Variants in ERC2 observed in about 807,000 individuals in gnomAD.
ERC2 encodes the protein ELKS/RAB6-interacting/CAST family member 2, also known as ERC protein 2.
Under a neutral mutation model 114.8 loss-of-function variants are expected in ERC2, and 42 were observed. The ratio of observed to expected loss-of-function variants is 0.37; its 90% CI spans 0.29 to 0.47. The LOEUF is 0.47. Among genes scored for constraint, ERC2 ranks in the 20% least tolerant of loss-of-function variants. ERC2 has a pLI of 0.99. For missense variants in ERC2, 939 were observed against 1,150.7 expected, an observed-to-expected ratio of 0.82 and a Z score of 2.66; for synonymous variants, 454 against 425.5, an observed-to-expected ratio of 1.07 and a Z score of -0.82.
chr3:56,294,009 C>T (rs927841317), intron 3 of ERC2, among the ~76,000 whole-genome samples: 1 of 152,064 alleles, frequency 6.6e-6, no homozygotes, highest in African/African-American at 2.4e-5. Context: ...GCCTTGCTGC[C>T]CCTTGGCATC....
intron 5 of ERC2, among the ~76,000 whole-genome samples, chr3:56,141,350 G>C (rs546027662): frequency 6.6e-6 from 1 of 152,146 alleles, no homozygotes; most frequent in African/African-American, 2.4e-5. Context: ...ACCTGTTATA[G>C]CCCTAGCCTA....
chr3:55,850,884 A>ACACACACACACT (rs2061541333), intron 14 of ERC2, among the ~76,000 whole-genome samples: 1 of 151,162 alleles, frequency 6.6e-6, no homozygotes, highest in Non-Finnish European at 1.5e-5. Context: ...ACACACACAC[A>ACACACACACACT]CACACACGAG....
intron 14 of ERC2, among the ~76,000 whole-genome samples, chr3:55,832,061 CCGCCA>C: frequency 6.6e-6 from 1 of 152,238 alleles, no homozygotes; most frequent in African/African-American, 2.4e-5. Flanking sequence ...GGAGGGGCGC[CCGCCA>C]TTGCCCAGGC....
chr3:56,237,441 T>C (rs1023943591), intron 3 of ERC2, among the ~76,000 whole-genome samples: 6 of 152,208 alleles, frequency 3.9e-5, no homozygotes, highest in Non-Finnish European at 8.8e-5. Flanking sequence ...GAGAAAAGCA[T>C]ATGTGAAATT....
At chr3:56,348,741 G>A (rs1274374794) in intron 2 of ERC2, among the ~76,000 whole-genome samples, 1 of 151,564 alleles carries the variant, frequency 6.6e-6, no homozygotes. Context: ...CCATTTTCTT[G>A]ACAAAGATTT....
At chr3:55,772,499 G>C (rs1001312371) in intron 14 of ERC2, among the ~76,000 whole-genome samples, 1 of 152,154 alleles carries the variant, frequency 6.6e-6, no homozygotes, top group Non-Finnish European at 1.5e-5. Flanking sequence ...GTATTTTTTA[G>C]TAGAGACGGG....
chr3:55,696,946 T>C (rs1482236611), intron 16 of ERC2, among the ~76,000 whole-genome samples: 1 of 152,164 alleles, frequency 6.6e-6, no homozygotes, highest in Non-Finnish European at 1.5e-5. Context: ...CACAAAAATA[T>C]CCTTGTGGTC....
chr3:55,875,055 G>T (rs1356145057), intron 14 of ERC2, among the ~76,000 whole-genome samples: 1 of 152,168 alleles, frequency 6.6e-6, no homozygotes, highest in East Asian at 1.9e-4. Context: ...CCCCAGTGAT[G>T]CTGCTCACAG....
At chr3:55,776,140 T>TTTG (rs553669928) in intron 14 of ERC2, among the ~76,000 whole-genome samples, 8,123 of 151,740 alleles carry the variant, frequency 0.054, 290 homozygotes, top group African/African-American at 0.094. Context: ...TAGAATGTTA[T>TTTG]TTGTTGTTGT....
chr3:56,207,773 C>T (rs539085959), intron 3 of ERC2, among the ~76,000 whole-genome samples: 1 of 152,286 alleles, frequency 6.6e-6, no homozygotes, highest in African/African-American at 2.4e-5. Flanking sequence ...TCTACCATAT[C>T]TTCAAGGTCT....
chr3:55,726,090 CT>C (rs1440878538), intron 15 of ERC2, among the ~76,000 whole-genome samples: 2 of 152,210 alleles, frequency 1.3e-5, no homozygotes, highest in African/African-American at 4.8e-5. Flanking sequence ...TGTAAAGACA[CT>C]TTGCACTGAA....
intron 14 of ERC2, among the ~76,000 whole-genome samples, chr3:55,756,342 G>A (rs998143112): frequency 6.6e-6 from 1 of 152,096 alleles, no homozygotes; most frequent in African/African-American, 2.4e-5. Context: ...ATGCTAACAT[G>A]ATCTTAGGTG....
chr3:56,021,664 T>C (rs771693342), intron 7 of ERC2, among the ~76,000 whole-genome samples: 2 of 152,140 alleles, frequency 1.3e-5, no homozygotes, highest in Non-Finnish European at 2.9e-5. Flanking sequence ...TAACATTACA[T>C]TGCCCAGGCA....
intron 10 of ERC2, among the ~76,000 whole-genome samples, chr3:56,001,681 T>G (rs2072074429): frequency 6.6e-6 from 1 of 152,118 alleles, no homozygotes; most frequent in South Asian, 2.1e-4. Flanking sequence ...AGTTATTTCT[T>G]TGGTCCTACC....
chr3:55,932,955 T>C (rs749680393), intron 13 of ERC2, among the ~76,000 whole-genome samples: 10 of 152,216 alleles, frequency 6.6e-5, no homozygotes, highest in Non-Finnish European at 1.5e-4. Flanking sequence ...ACGCCTGTAA[T>C]TGCAACACTT....
chr3:56,055,796 C>T (rs900265705), intron 7 of ERC2, among the ~76,000 whole-genome samples: 1 of 152,158 alleles, frequency 6.6e-6, no homozygotes, highest in Non-Finnish European at 1.5e-5. Flanking sequence ...CTCAGTCTCC[C>T]CTCTCTCTAT....
intron 3 of ERC2, among the ~76,000 whole-genome samples, chr3:56,269,262 G>A (rs2053510285): frequency 6.6e-6 from 1 of 152,130 alleles, no homozygotes; most frequent in Admixed American, 6.5e-5. Flanking sequence ...ATCCTTCCTG[G>A]TTCTCATCTC....
intron 14 of ERC2, among the ~76,000 whole-genome samples, chr3:55,827,000 T>G (rs1303795231): frequency 6.6e-6 from 1 of 152,214 alleles, no homozygotes; most frequent in Non-Finnish European, 1.5e-5. Flanking sequence ...AGCCTCACTT[T>G]ACTTCTTACT....
chr3:56,313,856 C>T (rs965540748), intron 2 of ERC2, among the ~76,000 whole-genome samples: 1 of 152,164 alleles, frequency 6.6e-6, no homozygotes, highest in African/African-American at 2.4e-5. Flanking sequence ...GAATCTACTA[C>T]AATTGCTATT....
Sources: gnomAD v4.1 joint callset for allele counts (sites outside exome capture counted in the v4.1 genomes callset) on GRCh38, gnomAD v4.1.1 for gene constraint, MANE v1.5 for transcripts, NCBI Gene and HGNC (gene_info 2026-07-23, HGNC 2026-07-21) for gene names.